MAGI1: variants seen among roughly 807,000 people sequenced by gnomAD.
MAGI1 encodes the protein membrane associated guanylate kinase, WW and PDZ domain containing 1.
In MAGI1, 58 loss-of-function variants were observed where a neutral mutation model predicts 139.9. The observed-to-expected ratio is 0.41, with a 90% CI of 0.34 to 0.52. The LOEUF is 0.52. MAGI1 is among the 20% of genes least tolerant of loss of function. The probability of loss-of-function intolerance (pLI) is 0.12; values close to 1 mark genes in which losing one functional copy is unlikely to be tolerated. For missense variants in MAGI1, 1,874 were observed against 1,901.6 expected, an observed-to-expected ratio of 0.99 and a Z score of 0.27; for synonymous variants, 812 against 737.9, an observed-to-expected ratio of 1.10 and a Z score of -1.63.
chr3:65,394,483 C>T (rs764075673), intron 13 of MAGI1, among the ~76,000 whole-genome samples: 3 of 152,284 alleles, frequency 2.0e-5, no homozygotes, highest in East Asian at 3.9e-4. Flanking sequence ...ATATAAATGG[C>T]ACACCAGTGG....
intron 1 of MAGI1, among the ~76,000 whole-genome samples, chr3:65,972,980 T>G (rs920867270): frequency 6.6e-6 from 1 of 151,966 alleles, no homozygotes; most frequent in Non-Finnish European, 1.5e-5. Flanking sequence ...AACTACACTT[T>G]TACTCAGATG....
intron 1 of MAGI1, among the ~76,000 whole-genome samples, chr3:65,733,227 T>G (rs2034374884): frequency 1.3e-5 from 2 of 152,008 alleles, no homozygotes; most frequent in African/African-American, 2.4e-5. Context: ...CCCCGCTAAT[T>G]TTTTGTATTT....
chr3:65,695,189 G>C (rs1454418412), intron 1 of MAGI1, among the ~76,000 whole-genome samples: 1 of 152,204 alleles, frequency 6.6e-6, no homozygotes, highest in African/African-American at 2.4e-5. Flanking sequence ...GAGGGTCAGA[G>C]AGAACTGAAT....
intron 1 of MAGI1, among the ~76,000 whole-genome samples, chr3:65,952,549 T>A (rs949131437): frequency 6.6e-6 from 1 of 152,148 alleles, no homozygotes; most frequent in Non-Finnish European, 1.5e-5. Flanking sequence ...GCACGGTGGC[T>A]CGCGCCTGTA....
intron 12 of MAGI1, among the ~76,000 whole-genome samples, chr3:65,407,326 A>T (rs1011097318): frequency 1.3e-5 from 2 of 152,066 alleles, no homozygotes; most frequent in Non-Finnish European, 2.9e-5. Context: ...AGGTACCTGT[A>T]ATCCCAGCTA....
intron 12 of MAGI1, among the ~76,000 whole-genome samples, chr3:65,407,859 T>C (rs1362621951): frequency 2.0e-5 from 3 of 152,188 alleles, no homozygotes; most frequent in African/African-American, 2.4e-5. Context: ...GCCTGGACAA[T>C]GGCACATACT....
intron 1 of MAGI1, among the ~76,000 whole-genome samples, chr3:65,701,930 C>T (rs183016104): frequency 8.2e-4 from 125 of 152,190 alleles, no homozygotes; most frequent in Non-Finnish European, 1.4e-3. Flanking sequence ...GCTTATCAAG[C>T]GCTATGCAAA....
intron 22 of MAGI1, chr3:65,359,553 C>A: frequency 2.2e-6 from 2 of 899,520 alleles, no homozygotes; most frequent in South Asian, 4.9e-5. Context: ...AAATTAAGTA[C>A]AAAAAACTCA....
Position 66,038,135 on chromosome 3 carries a change from G to A in MAGI1, c.174C>T (p.Gly58=), listed in dbSNP as rs1182375302. 1.2e-6 allele frequency: 2 copies of A among 1,611,892 alleles called. No individual in the cohort carries two copies. Among genetic ancestry groups the A allele is most frequent in the African/African-American group, 1.3e-5 (1 of 74,874 alleles). ...AAVEAAGLPG[G]GEGPRLGEGE... ...CTTCGCCCAGCCTCGGGCCCTCGCC[G>A]CCGCCGGGAAGCCCCGCTGCCTCGA... Residue 58 remains glycine, a synonymous_variant, in exon 1 of 23, where the codon GGC becomes GGT. Coordinates refer to ENST00000402939, the MANE Select transcript of MAGI1 (RefSeq NM_001033057.2).
At chr3:66,035,360 A>C (rs1428689870) in intron 1 of MAGI1, among the ~76,000 whole-genome samples, 1 of 152,250 alleles carries the variant, frequency 6.6e-6, no homozygotes, top group Non-Finnish European at 1.5e-5. Context: ...CTTGGGATGC[A>C]AACAACACAA....
At chr3:65,974,457 T>C (rs1243799043) in intron 1 of MAGI1, among the ~76,000 whole-genome samples, 1 of 151,496 alleles carries the variant, frequency 6.6e-6, no homozygotes, top group Non-Finnish European at 1.5e-5. Context: ...ACCAACCTTA[T>C]GTTGCCAGTT....
chr3:65,581,122 C>G (rs1239740293), intron 2 of MAGI1, among the ~76,000 whole-genome samples: 1 of 152,102 alleles, frequency 6.6e-6, no homozygotes, highest in Non-Finnish European at 1.5e-5. Flanking sequence ...GCTGTGCAAG[C>G]CTCATAACTG....
Position 65,354,428 on chromosome 3 carries a change from T to C in MAGI1, c.*1950A>G, listed in dbSNP as rs1168886348. Reference sequence around the variant, plus strand: ...ATAAGTCAAATAAAGCTATGAACAATGTAATATTTATATATGCATAGTGTT... The same window carrying C: ...ATAAGTCAAATAAAGCTATGAACAACGTAATATTTATATATGCATAGTGTT... On this transcript the variant is annotated 3_prime_UTR_variant, in exon 23 of 23. Coordinates refer to ENST00000402939, the MANE Select transcript of MAGI1 (RefSeq NM_001033057.2). 2.0e-5 allele frequency: 3 copies of C among 152,600 alleles called. No homozygotes were observed. Among genetic ancestry groups the C allele is most frequent in the East Asian group, 3.8e-4 (2 of 5,196 alleles). The allele number at this position is 152,600 out of a possible 1,614,324, so 9.5% of individuals were successfully genotyped here. A position where few individuals can be genotyped will look rare whatever the true frequency, so the allele number is the denominator to read the frequency against.
chr3:65,871,660 A>G (rs2059943667), intron 1 of MAGI1, among the ~76,000 whole-genome samples: 1 of 152,246 alleles, frequency 6.6e-6, no homozygotes, highest in Non-Finnish European at 1.5e-5. Flanking sequence ...GATCCGGCTT[A>G]GGAAAAATCA....
chr3:65,991,824 G>A (rs1472309435), intron 1 of MAGI1, among the ~76,000 whole-genome samples: 1 of 152,066 alleles, frequency 6.6e-6, no homozygotes, highest in African/African-American at 2.4e-5. Context: ...AGACCAGCCT[G>A]GCCAACATGG....
At chr3:65,396,972 C>T (rs916535486) in intron 13 of MAGI1, among the ~76,000 whole-genome samples, 1 of 152,182 alleles carries the variant, frequency 6.6e-6, no homozygotes, top group African/African-American at 2.4e-5. Context: ...GTTCACATTG[C>T]ATGTTTTAAA....
At chr3:65,474,976 A>G (rs1172798314) in intron 4 of MAGI1, among the ~76,000 whole-genome samples, 1 of 152,176 alleles carries the variant, frequency 6.6e-6, no homozygotes, top group Non-Finnish European at 1.5e-5. Flanking sequence ...CATATAGTCC[A>G]TACTTGAGAA....
At chr3:66,011,508 C>T (rs1177837717) in intron 1 of MAGI1, among the ~76,000 whole-genome samples, 1 of 152,116 alleles carries the variant, frequency 6.6e-6, no homozygotes, top group Non-Finnish European at 1.5e-5. Context: ...CCTCCAGGAT[C>T]CCCCTCCAAG....
intron 2 of MAGI1, among the ~76,000 whole-genome samples, chr3:65,591,549 C>G (rs1023520781): frequency 6.6e-6 from 1 of 152,170 alleles, no homozygotes; most frequent in Non-Finnish European, 1.5e-5. Context: ...CTACTACCTT[C>G]AGTGAGGCTT....
Sources: gnomAD v4.1 joint callset for allele counts (sites outside exome capture counted in the v4.1 genomes callset) on GRCh38, gnomAD v4.1.1 for gene constraint, MANE v1.5 for transcripts, NCBI Gene and HGNC (gene_info 2026-07-23, HGNC 2026-07-21) for gene names.